The following XRN1 variants were observed in gnomAD, a reference collection of about 807,000 sequenced individuals.
XRN1 encodes 5'-3' exoribonuclease 1, also known as strand-exchange protein 1 homolog.
XRN1 carries 67 observed loss-of-function variants against 222.3 expected under a neutral mutation model. That is an observed-to-expected ratio of 0.30 (90% CI 0.25 to 0.37). XRN1 has a LOEUF of 0.37. Ranked by LOEUF, XRN1 falls within the 10% of genes least tolerant of loss-of-function variation. The probability of loss-of-function intolerance (pLI) is 1.00; values close to 1 mark genes in which losing one functional copy is unlikely to be tolerated. For synonymous variants in XRN1, 643 were observed against 652.4 expected (o/e 0.99, Z 0.22); for missense variants, 1,707 against 2,000.2 (o/e 0.85, Z 2.80).
intron 5 of XRN1, among the ~76,000 whole-genome samples, chr3:142,424,992 T>C (rs1048288021): frequency 2.0e-5 from 3 of 152,118 alleles, no homozygotes; most frequent in African/African-American, 7.2e-5. Context: ...TTCACAGCAC[T>C]AGGATTAGTC....
At chr3:142,396,920 G>C (rs117106138) in intron 20 of XRN1, among the ~76,000 whole-genome samples, 173 of 152,182 alleles carry the variant, frequency 1.1e-3, no homozygotes, top group Middle Eastern at 6.8e-3. Flanking sequence ...AATATGGCTT[G>C]GGTGGAAGAG....
chr3:142,375,170 C>T (rs1197297600), intron 25 of XRN1, among the ~76,000 whole-genome samples: 1 of 152,142 alleles, frequency 6.6e-6, no homozygotes, highest in Non-Finnish European at 1.5e-5. Context: ...GTTTAAGCCA[C>T]CCAGTTCGTG....
chr3:142,406,432 A>C (rs1241153179), intron 15 of XRN1, among the ~76,000 whole-genome samples: 1 of 152,266 alleles, frequency 6.6e-6, no homozygotes, highest in Non-Finnish European at 1.5e-5. Flanking sequence ...GCTTCTTGAC[A>C]CTGCTCTTGG....
intron 32 of XRN1, among the ~76,000 whole-genome samples, chr3:142,350,058 C>T (rs2066261513): frequency 6.6e-6 from 1 of 152,104 alleles, no homozygotes; most frequent in African/African-American, 2.4e-5. Context: ...ACCAGTCTAA[C>T]TAGAACAGAC....
intron 33 of XRN1, among the ~76,000 whole-genome samples, chr3:142,343,144 G>A (rs1048274008): frequency 1.3e-5 from 2 of 152,002 alleles, no homozygotes; most frequent in African/African-American, 4.8e-5. Context: ...CAAAACAAGA[G>A]GCATAAATGG....
chr3:142,411,284 T>G (rs1281496338), intron 15 of XRN1, among the ~76,000 whole-genome samples: 1 of 152,212 alleles, frequency 6.6e-6, no homozygotes, highest in Admixed American at 6.5e-5. Context: ...ATTAATCTTT[T>G]CAAAGAACCA....
intron 2 of XRN1, among the ~76,000 whole-genome samples, chr3:142,431,891 T>TAA (rs1297591368): frequency 2.8e-5 from 1 of 35,114 alleles, no homozygotes; most frequent in South Asian, 4.7e-4. Flanking sequence ...ATATTATATA[T>TAA]AATATATATA....
chr3:142,332,309 T>G, intron 36 of XRN1, 66 bp downstream of exon 36: 1 of 1,232,204 alleles, frequency 8.1e-7, no homozygotes, highest in East Asian at 2.5e-5. Flanking sequence ...AGTACATGAT[T>G]AAAAAGAACC....
Position 142,308,566 on chromosome 3 carries a change from T to C in XRN1, c.*2945A>G, listed in dbSNP as rs913331686. 7 of 152,206 alleles carry C rather than the reference T, an allele frequency of 4.6e-5. No individual in the cohort carries two copies. Among genetic ancestry groups the C allele is most frequent in the Non-Finnish European group, 8.8e-5 (6 of 68,026 alleles). The allele number at this position is 152,206 out of a possible 1,614,324, so 9.4% of individuals were successfully genotyped here. A position where few individuals can be genotyped will look rare whatever the true frequency, so the allele number is the denominator to read the frequency against. Reference sequence around the variant, plus strand: ...ACTGAGTCTTAGATGTTTAAGACTTTAGTCTACATGATGTTTAAATCAATT... The same window carrying C: ...ACTGAGTCTTAGATGTTTAAGACTTCAGTCTACATGATGTTTAAATCAATT... On this transcript the variant is annotated 3_prime_UTR_variant, in exon 41 of 41. Coordinates refer to ENST00000392981, the MANE Select transcript of XRN1 (RefSeq NM_001282857.2).
chr3:142,312,921 C>T (rs1215688858), intron 39 of XRN1, among the ~76,000 whole-genome samples, 163 bp from the exon 40 acceptor site: 2 of 152,008 alleles, frequency 1.3e-5, no homozygotes, highest in South Asian at 2.1e-4. Context: ...AACATTCAAC[C>T]TCAGGATCCT....
At chr3:142,414,570 A>G (rs1390920437) in intron 13 of XRN1, among the ~76,000 whole-genome samples, 1 of 150,234 alleles carries the variant, frequency 6.7e-6, no homozygotes, top group Non-Finnish European at 1.5e-5. Context: ...ATCCTGGCTC[A>G]CTGCAAGCTC....
chr3:142,350,156 G>C (rs1344265069), intron 32 of XRN1, among the ~76,000 whole-genome samples: 1 of 152,096 alleles, frequency 6.6e-6, no homozygotes, highest in Non-Finnish European at 1.5e-5. Flanking sequence ...AGGAGTTGAG[G>C]CAGGATTCCA....
At position 142,375,467 on chromosome 3, in the gene XRN1, A is replaced by G. The variant is rs568931552; in HGVS notation, c.2978+331T>C. ...TTCTAAGAATCAGAAAAAATCCACT[A>G]TGCTAAGAGCTTTGTTTATCCATAT... On this transcript the variant is annotated intron_variant, in intron 25 of 40. Transcript: ENST00000392981. 5.3e-5 allele frequency among the ~76,000 whole-genome samples: 8 copies of G among 152,310 alleles called. 1 individual carries two copies. In the East Asian group the frequency reaches 1.5e-3, roughly 29 times the overall value.
At chr3:142,333,925 G>C (rs933825567) in intron 34 of XRN1, among the ~76,000 whole-genome samples, 1 of 152,098 alleles carries the variant, frequency 6.6e-6, no homozygotes, top group African/African-American at 2.4e-5. Flanking sequence ...CTAGTGCCTT[G>C]ATCTTGGACT....
At chr3:142,383,546 T>C in intron 21 of XRN1, 133 bp from the exon 22 acceptor site, 1 of 732,550 alleles carries the variant, frequency 1.4e-6, no homozygotes, top group East Asian at 2.7e-5. Flanking sequence ...TGCCAAGAGC[T>C]AAAATTTGTT....
At chr3:142,414,761 C>T (rs1301632968) in intron 13 of XRN1, among the ~76,000 whole-genome samples, 7 of 152,314 alleles carry the variant, frequency 4.6e-5, no homozygotes, top group Middle Eastern at 3.4e-3. Flanking sequence ...TCCCAAAGTG[C>T]TGGGATTACA....
Position 142,318,619 on chromosome 3 carries a change from T to C in XRN1, c.4594A>G (p.Ile1532Val), listed in dbSNP as rs2065267156. ...GTAGGTGGGGGAAAGGCTGGAGGAA[T>C]GGTTCCAGGTGGTACAGCTGAAGGA... Reference protein sequence around the residue: ...NYPSAVPPGTIPPAFPPPTAN... With the variant: ...NYPSAVPPGTVPPAFPPPTAN... The change falls in exon 39 of 41, where the codon ATT (isoleucine) becomes GTT (valine). Residue 1532 changes from isoleucine to valine, a missense_variant. This residue lies in a region of XRN1 where 473 missense variants were observed against 482.0 expected (regional missense o/e 0.98). Coordinates refer to ENST00000392981, the MANE Select transcript of XRN1 (RefSeq NM_001282857.2). 2 of 1,608,168 alleles carry C rather than the reference T, an allele frequency of 1.2e-6. No individual in the cohort carries two copies. Among genetic ancestry groups the C allele is most frequent in the African/African-American group, 1.3e-5 (1 of 74,916 alleles).
Position 142,311,275 on chromosome 3 carries a change from A to G in XRN1, c.*236T>C, listed in dbSNP as rs1373422050. On this transcript the variant is annotated 3_prime_UTR_variant, in exon 41 of 41. Coordinates refer to ENST00000392981, the MANE Select transcript of XRN1 (RefSeq NM_001282857.2). ...GCAAGGTTTAATTTAGTTTTTTATT[A>G]CAGATTTATTGAGGTATAATTGACA... The G allele has an allele frequency of 1.7e-5, 5 of 300,220 alleles. No individual in the cohort carries two copies. The African/African-American group carries it at 1.9e-4, about 11-fold the overall frequency. 18.6% of individuals were successfully genotyped at this position (300,220 alleles called of 1,614,324 possible). A position where few individuals can be genotyped will look rare whatever the true frequency, so the allele number is the denominator to read the frequency against.
At chr3:142,324,783 C>T (rs903467397) in intron 37 of XRN1, among the ~76,000 whole-genome samples, 1 of 152,080 alleles carries the variant, frequency 6.6e-6, no homozygotes, top group Non-Finnish European at 1.5e-5. Flanking sequence ...TTAATGATCA[C>T]CATTCTAACT....
Sources: allele counts gnomAD v4.1 joint callset (sites outside exome capture counted in the v4.1 genomes callset), GRCh38; gene constraint gnomAD v4.1.1; regional missense constraint gnomAD v4.1.1; transcripts MANE v1.5; gene names NCBI Gene and HGNC (gene_info 2026-07-23, HGNC 2026-07-21).